Variants in DIPK2A observed in about 807,000 individuals in gnomAD.
The protein encoded by DIPK2A is divergent protein kinase domain 2A, also known as Golgi Protein of 49 kDa.
In DIPK2A, 27 loss-of-function variants were observed where a neutral mutation model predicts 39.0. The ratio of observed to expected loss-of-function variants is 0.69; its 90% CI spans 0.51 to 0.96. The LOEUF is 0.96. DIPK2A is among the 40% of genes least tolerant of loss of function. The pLI is 0.00. For synonymous variants in DIPK2A, 298 were observed against 240.8 expected (o/e 1.24, Z -2.20); for missense variants, 528 against 571.3 (o/e 0.92, Z 0.77).
chr3:143,978,596 ATCTATC>A, intron 1 of DIPK2A: 3 of 76,072 alleles, frequency 3.9e-5, no homozygotes, highest in African/African-American at 2.8e-4. Context: ...ATATCTATCT[ATCTATC>A]TATATATATA....
At chr3:143,973,289 C>T (rs1401523140) in intron 1 of DIPK2A, 1 of 1,484,040 alleles carries the variant, frequency 6.7e-7, no homozygotes, top group Non-Finnish European at 9.1e-7. Context: ...AATGTCTCTA[C>T]TGCGAGTTTC....
chr3:143,973,869 A>T (rs1235669332), intron 1 of DIPK2A, among the ~76,000 whole-genome samples: 3 of 152,196 alleles, frequency 2.0e-5, no homozygotes, highest in Non-Finnish European at 4.4e-5. Flanking sequence ...CATCAAAAAG[A>T]GAACAAAAAA....
intron 1 of DIPK2A, among the ~76,000 whole-genome samples, chr3:143,976,000 T>G (rs1450235525): frequency 6.6e-6 from 1 of 152,058 alleles, no homozygotes; most frequent in Non-Finnish European, 1.5e-5. Context: ...CCTCTTCTGA[T>G]TTGAAAAAAC....
At position 143,989,923 on chromosome 3, in the gene DIPK2A, A is replaced by T; in HGVS notation, c.*82A>T. On this transcript the variant is annotated 3_prime_UTR_variant, in exon 3 of 3. Transcript: ENST00000315691. ...CACCAAAAAACGATCTGAAAAAATG[A>T]AATTTGGAAGTGTTACATTCAGAGG... The T allele has an allele frequency of 9.2e-7, 1 of 1,085,756 alleles. No homozygotes were observed. The highest frequency in any genetic ancestry group is 1.6e-5 in the South Asian group (1 of 62,588). The allele number at this position is 1,085,756 out of a possible 1,614,324, so 67.3% of individuals were successfully genotyped here. A position where few individuals can be genotyped will look rare whatever the true frequency, so the allele number is the denominator to read the frequency against.
rs1407180256 is a variant in DIPK2A, at chr3:143,972,560, G to A, written c.228G>A (p.Ala76=). The A allele has an allele frequency of 1.2e-6, 2 of 1,612,214 alleles. No homozygotes were observed. The highest frequency in any genetic ancestry group is 2.2e-5 in the East Asian group (1 of 44,872). Residue 76 remains alanine (A), a synonymous_variant, in exon 1 of 3, where the codon GCG becomes GCA. Transcript: ENST00000315691. ...TCAACGGGCAGGTGGTATTCGAGGCGTGGGGCCGCTTGCGCCTGCTGGACT... is the reference window on the plus strand; with the variant it reads ...TCAACGGGCAGGTGGTATTCGAGGCATGGGGCCGCTTGCGCCTGCTGGACT... ...RFLNGQVVFE[A]WGRLRLLDFL...
intron 2 of DIPK2A, 41 bp downstream of exon 2, chr3:143,985,887 C>A: frequency 6.7e-7 from 1 of 1,490,566 alleles, no homozygotes; most frequent in South Asian, 1.3e-5. Context: ...TCATTTTTTC[C>A]TATGTCAAAA....
intron 1 of DIPK2A, among the ~76,000 whole-genome samples, chr3:143,983,322 A>T (rs1245475310): frequency 6.6e-6 from 1 of 152,216 alleles, no homozygotes; most frequent in Non-Finnish European, 1.5e-5. Flanking sequence ...AACACTCCTC[A>T]GCAAATGCAA....
At position 143,971,889 on chromosome 3, in the gene DIPK2A, C is replaced by T. The variant is rs933736664; in HGVS notation, c.-444C>T. 1.8e-5 allele frequency: 3 copies of T among 164,322 alleles called. No individual in the cohort carries two copies. The highest frequency in any genetic ancestry group is 6.4e-5 in the Admixed American group (1 of 15,548). The allele number at this position is 164,322 out of a possible 1,614,324, so 10.2% of individuals were successfully genotyped here. On this transcript the variant is annotated 5_prime_UTR_variant, in exon 1 of 3. Coordinates refer to ENST00000315691, the MANE Select transcript of DIPK2A (RefSeq NM_173552.5). ...GTGGGTGTGAGACATCCTAGCTCCT[C>T]TTCCCCTTCCGTGAGTCCCTCCTTT...
chr3:143,972,012 T>G lies in DIPK2A; in HGVS notation c.-321T>G, dbSNP rs1020420805. 6.7e-6 allele frequency: 2 copies of G among 300,544 alleles called. No individual in the cohort carries two copies. Among genetic ancestry groups the G allele is most frequent in the East Asian group, 5.2e-5 (1 of 19,084 alleles). The allele number at this position is 300,544 out of a possible 1,614,324, so 18.6% of individuals were successfully genotyped here. The stretch of plus-strand genomic sequence containing the variant: ...CGGGCACGGGCGCGCGACCGTCGGG[T>G]CCCCGCGCTCCCTCCCCCTCCCGCT... On this transcript the variant is annotated 5_prime_UTR_variant, in exon 1 of 3. Coordinates refer to ENST00000315691, the MANE Select transcript of DIPK2A (RefSeq NM_173552.5).
Position 143,978,640 on chromosome 3 carries a change from C to CTATA in DIPK2A, c.657+5667_657+5670dup, listed in dbSNP as rs35495369. On this transcript the variant is annotated intron_variant, in intron 1 of 2. Transcript: ENST00000315691. ...TCTATATCTATATATATATATATAT[C>CTATA]TATATATATATATATATATCTATAT... 6.8e-4 allele frequency: 80 copies of CTATA among 117,010 alleles called. 3 individuals carry two copies. Among genetic ancestry groups the CTATA allele is most frequent in the African/African-American group, 2.2e-3 (67 of 30,704 alleles). The allele number at this position is 117,010 out of a possible 1,614,324, so 7.2% of individuals were successfully genotyped here.
chr3:143,973,413 C>G (rs1355774838), intron 1 of DIPK2A: 1 of 1,550,048 alleles, frequency 6.5e-7, no homozygotes. Flanking sequence ...TGTTCTACAC[C>G]GCGTTCGCTC....
chr3:143,978,066 TAGAA>T (rs1346191213), intron 1 of DIPK2A, among the ~76,000 whole-genome samples: 3 of 152,116 alleles, frequency 2.0e-5, no homozygotes, highest in Non-Finnish European at 2.9e-5. Context: ...TGTTGGGAAA[TAGAA>T]AGCTTGTTTT....
chr3:143,973,030 C>CCA, intron 1 of DIPK2A, 41 bp downstream of exon 1: 1 of 1,539,248 alleles, frequency 6.5e-7, no homozygotes, highest in South Asian at 1.2e-5. Flanking sequence ...TGGGAGGGGC[C>CCA]GCGCGTGGGA....
In DIPK2A at chr3:143,992,079, A is replaced by G. The variant is rs2087995750; in HGVS notation, c.*2238A>G. On this transcript the variant is annotated 3_prime_UTR_variant, in exon 3 of 3. Coordinates refer to ENST00000315691, the MANE Select transcript of DIPK2A (RefSeq NM_173552.5). ...GGAATTTAAAATTACAGGGAAAAATATGTAAGTGAAAAGCAATAAATATTT... is the reference window on the plus strand; with the variant it reads ...GGAATTTAAAATTACAGGGAAAAATGTGTAAGTGAAAAGCAATAAATATTT... 2 of 152,664 alleles carry G rather than the reference A, an allele frequency of 1.3e-5. No homozygotes were observed. The highest frequency in any genetic ancestry group is 2.9e-5 in the Non-Finnish European group (2 of 68,032). The allele number at this position is 152,664 out of a possible 1,614,324, so 9.5% of individuals were successfully genotyped here. A position where few individuals can be genotyped will look rare whatever the true frequency, so the allele number is the denominator to read the frequency against.
At chr3:143,977,550 ATGTTCCAGACTT>A (rs1224285587) in intron 1 of DIPK2A, among the ~76,000 whole-genome samples, 2 of 152,230 alleles carry the variant, frequency 1.3e-5, no homozygotes, top group East Asian at 3.9e-4. Flanking sequence ...GTGCAAAACG[ATGTTCCAGACTT>A]TGTTTCAGGA....
At chr3:143,986,640 C>T (rs1298272503) in intron 2 of DIPK2A, among the ~76,000 whole-genome samples, 1 of 149,668 alleles carries the variant, frequency 6.7e-6, no homozygotes, top group East Asian at 2.0e-4. Context: ...AGGAGAATGG[C>T]GTGAACCCCA....
intron 1 of DIPK2A, among the ~76,000 whole-genome samples, chr3:143,977,541 T>C (rs1304509037): frequency 6.6e-6 from 1 of 152,092 alleles, no homozygotes; most frequent in African/African-American, 2.4e-5. Context: ...GGCAATAGTG[T>C]GCAAAACGAT....
rs1448734358 is a variant in DIPK2A at position 143,972,938 on chromosome 3, C to T, written c.606C>T (p.Arg202=). Residue 202 remains arginine (R), a synonymous_variant, in exon 1 of 3, where the codon CGC becomes CGT. Transcript: ENST00000315691. ...TTCGCAACCTCAAGGACTCGGAGCG[C>T]ATGCAGCTGCTGCTGACCCTGGCCT... is the stretch of plus-strand genomic sequence containing the variant. ...FLLRNLKDSE[R]MQLLLTLAFN... is the part of the protein sequence containing the mutation. 6.3e-7 allele frequency: 1 copy of T among 1,589,792 alleles called. No homozygotes were observed. The highest frequency in any genetic ancestry group is 1.1e-5 in the South Asian group (1 of 88,208).
Position 143,980,360 on chromosome 3 carries a change from C to T in DIPK2A, c.658-5183C>T, listed in dbSNP as rs369200873. ...TCAGTTCACTGTAACCTCTGCCTCC[C>T]GGGTTCAAGCAATTCTCCTGCCTCA... On this transcript the variant is annotated intron_variant, in intron 1 of 2. Transcript: ENST00000315691. 5.0e-4 allele frequency among the ~76,000 whole-genome samples: 76 copies of T among 152,216 alleles called. No individual in the cohort carries two copies. In the South Asian group the frequency reaches 0.014, roughly 28 times the overall value.
Sources: gnomAD v4.1 joint callset for allele counts (sites outside exome capture counted in the v4.1 genomes callset) on GRCh38, gnomAD v4.1.1 for gene constraint, MANE v1.5 for transcripts, NCBI Gene and HGNC (gene_info 2026-07-23, HGNC 2026-07-21) for gene names.